Variants in MYBPC2 observed in about 807,000 individuals in gnomAD.
MYBPC2 encodes myosin-binding protein C, fast-type.
A neutral mutation model predicts 137.0 loss-of-function variants in MYBPC2; 122 were observed. The observed-to-expected ratio is 0.89, with a 90% confidence interval of 0.77 to 1.03. The LOEUF (loss-of-function observed/expected upper bound fraction) is 1.03, where lower values mean the gene tolerates loss of function less well. Among genes scored for constraint, MYBPC2 ranks in the 50% least tolerant of loss-of-function variants. The probability of loss-of-function intolerance (pLI) is 0.00; values close to 1 mark genes in which losing one functional copy is unlikely to be tolerated. For synonymous variants in MYBPC2, 626 were observed against 612.3 expected (o/e 1.02, Z -0.33); for missense variants, 1,500 against 1,534.4 (o/e 0.98, Z 0.37).
intron 12 of MYBPC2, among the ~76,000 whole-genome samples, chr19:50,447,579 C>G (rs930202399): frequency 6.6e-6 from 1 of 152,018 alleles, no homozygotes; most frequent in Non-Finnish European, 1.5e-5. Context: ...AACATCAGGC[C>G]GGGCTTAGTG....
chr19:50,454,564 T>C (rs1166072516), intron 18 of MYBPC2, among the ~76,000 whole-genome samples, 195 bp downstream of exon 18: 1 of 151,870 alleles, frequency 6.6e-6, no homozygotes, highest in African/African-American at 2.4e-5. Flanking sequence ...TAACTGGGAT[T>C]ACAGGTGCCC....
intron 20 of MYBPC2, 45 bp from the exon 21 acceptor site, chr19:50,458,542 A>T: frequency 1.9e-6 from 3 of 1,597,806 alleles, no homozygotes; most frequent in Non-Finnish European, 2.6e-6. Flanking sequence ...GGAGCGGAGG[A>T]TGGGAGGAGG....
rs762000682 is a variant in MYBPC2, at chr19:50,459,120, C to G, written c.2605C>G (p.Arg869Gly). 6 of 1,564,464 alleles carry G rather than the reference C, an allele frequency of 3.8e-6. No individual in the cohort carries two copies. Among genetic ancestry groups the G allele is most frequent in the African/African-American group, 2.7e-5 (2 of 73,768 alleles). ...NLVVPFQGKP[R>G]PQVVWTKGGA... ...CGCCCTCTCCCCGCAGGGAAAGCCC[C>G]GGCCCCAGGTGGTGTGGACCAAGGG... Residue 869 changes from arginine to glycine, a missense_variant, in exon 23 of 28, where the codon CGG becomes GGG. Arg to Gly is a moderately radical substitution (Grantham distance 125). Coordinates refer to ENST00000357701, the MANE Select transcript of MYBPC2 (RefSeq NM_004533.4).
Position 50,466,305 on chromosome 19 carries a change from A to G in MYBPC2, c.*100A>G. On this transcript the variant is annotated 3_prime_UTR_variant, in exon 28 of 28. Transcript: ENST00000357701. This position sits in a 1 kb window ranked among gnomAD's most constrained non-coding sequence, Gnocchi z 4.9. ...CTTTCTGGAGTTTTCGCTGAGAACA[A>G]AACAGTGTTGTCTGGACCCTGGAGT... The G allele has an allele frequency of 6.5e-7, 1 of 1,526,926 alleles. No individual in the cohort carries two copies. Among genetic ancestry groups the G allele is most frequent in the Admixed American group, 1.7e-5 (1 of 57,232 alleles). 94.6% of individuals were successfully genotyped at this position (1,526,926 alleles called of 1,614,324 possible). A position where few individuals can be genotyped will look rare whatever the true frequency, so the allele number is the denominator to read the frequency against.
chr19:50,448,295 G>A lies in MYBPC2; in HGVS notation c.1377G>A (p.Lys459=). 1.2e-6 allele frequency: 2 copies of A among 1,613,886 alleles called. No individual in the cohort carries two copies. The highest frequency in any genetic ancestry group is 1.7e-6 in the Non-Finnish European group (2 of 1,179,806). The change falls in exon 13 of 28, where the codon AAG becomes AAA. Residue 459 remains lysine, a synonymous_variant. Transcript: ENST00000357701. The part of the protein sequence containing the change: ...TVKASEQAVF[K]CEVSDEKVTG... The stretch of plus-strand genomic sequence containing the variant: ...AGGCCTCAGAACAAGCTGTGTTCAA[G>A]TGCGAGGTGTCTGATGAGAAAGTGA...
chr19:50,463,091 TTGG>T (rs1222034437), intron 26 of MYBPC2, among the ~76,000 whole-genome samples: 29 of 152,266 alleles, frequency 1.9e-4, no homozygotes, highest in Admixed American at 1.9e-3. Context: ...AGACCAGGGG[TTGG>T]CAAACCATCA....
At position 50,437,694 on chromosome 19, in the gene MYBPC2, A is replaced by G. The variant is rs1344924433; in HGVS notation, c.548A>G (p.Asp183Gly). 3 of 1,604,984 alleles carry G rather than the reference A, an allele frequency of 1.9e-6. No individual in the cohort carries two copies. In the East Asian group the frequency reaches 6.7e-5, roughly 36 times the overall value. ...AAGTCGGATACTGCAGGTGAGCTGG[A>G]TTTCAGTGGCCTGTTGAAGAAGAGG... ...EKKSDTAGEL[D>G]FSGLLKKREV... The change falls in exon 7 of 28, where the codon GAT becomes GGT. Residue 183 changes from aspartate (D) to glycine (G), a missense_variant. Transcript: ENST00000357701.
Position 50,458,588 on chromosome 19 carries a change from C to A in MYBPC2, c.2340C>A (p.Ser780=), listed in dbSNP as rs768717495. Residue 780 remains serine, a splice_region_variant and synonymous_variant, in exon 21 of 28, where the codon TCC becomes TCA. Coordinates refer to ENST00000357701, the MANE Select transcript of MYBPC2 (RefSeq NM_004533.4). ...GYLVEYCLEG[S]EEWVPANTEP... is the part of the protein sequence containing the mutation. ...CGCCAGCAGGGCCTCTCTCTCCAGC[C>A]GAGGAATGGGTCCCTGCCAACACCG... 2.5e-6 allele frequency: 4 copies of A among 1,611,388 alleles called. No individual in the cohort carries two copies. In the East Asian group the frequency reaches 8.9e-5, roughly 36 times the overall value.
chr19:50,450,757 TG>T, intron 13 of MYBPC2, 71 bp from the exon 14 acceptor site: 5 of 1,090,644 alleles, frequency 4.6e-6, no homozygotes, highest in Non-Finnish European at 6.8e-6. Flanking sequence ...GGAAGCTGAT[TG>T]AGGCGGTGCA....
chr19:50,450,239 T>C (rs2039843553), intron 13 of MYBPC2, among the ~76,000 whole-genome samples: 1 of 151,978 alleles, frequency 6.6e-6, no homozygotes, highest in African/African-American at 2.4e-5. Context: ...GCCAGGTACT[T>C]TTCTAGGTGT....
chr19:50,460,267 G>A (rs1281807717), intron 24 of MYBPC2, 88 bp downstream of exon 24: 4 of 1,484,038 alleles, frequency 2.7e-6, no homozygotes, highest in Non-Finnish European at 2.7e-6. Context: ...GGAAGGGCAG[G>A]GAGGGGCCCA....
In MYBPC2 at chr19:50,445,753, A is replaced by G; in HGVS notation, c.1134-127A>G. ...ACCACTCAAGATGCCTCTGCCACTC[A>G]TTATGTCTCCTCCCTCCGGGGACCT... On this transcript the variant is annotated intron_variant, in intron 11 of 27. Transcript: ENST00000357701. 5 of 949,622 alleles carry G rather than the reference A, an allele frequency of 5.3e-6. No homozygotes were observed. In the South Asian group the frequency reaches 8.4e-5, roughly 16 times the overall value. The allele number at this position is 949,622 out of a possible 1,614,324, so 58.8% of individuals were successfully genotyped here.
Position 50,464,542 on chromosome 19 carries a change from T to C in MYBPC2, c.3415+10T>C. 1 of 1,595,748 alleles carries C rather than the reference T, an allele frequency of 6.3e-7. No homozygotes were observed. Among genetic ancestry groups the C allele is most frequent in the South Asian group, 1.1e-5 (1 of 88,776 alleles). The stretch of plus-strand genomic sequence containing the variant: ...AAGCTGGAGGTCCGAGGTGAGGGCG[T>C]GGCCATCCCCAACACTGGCTGACCC... On this transcript the variant is annotated intron_variant, in intron 27 of 27. Coordinates refer to ENST00000357701, the MANE Select transcript of MYBPC2 (RefSeq NM_004533.4).
At position 50,466,098 on chromosome 19, in the gene MYBPC2, G is replaced by T; in HGVS notation, c.3416-97G>T. On this transcript the variant is annotated intron_variant, in intron 27 of 27. Transcript: ENST00000357701. This position sits in a 1 kb window ranked among gnomAD's most constrained non-coding sequence, Gnocchi z 4.9. ...GGGGCGGGATGGTGACCGTCATCCT[G>T]TCCCCCTGCTGGTCATGTGGATGCA... 2 of 1,549,400 alleles carry T rather than the reference G, an allele frequency of 1.3e-6. No homozygotes were observed. The highest frequency in any genetic ancestry group is 1.4e-5 in the African/African-American group (1 of 73,784).
chr19:50,435,877 G>C lies in MYBPC2; in HGVS notation c.196+15G>C, dbSNP rs1413123498. ...AGTGGAGACTGGTGAGGGGAACCCGGGGGAGGAGGGGCTGCGGCCCGGACT... is the reference window on the plus strand; with the variant it reads ...AGTGGAGACTGGTGAGGGGAACCCGCGGGAGGAGGGGCTGCGGCCCGGACT... On this transcript the variant is annotated intron_variant, in intron 3 of 27. Coordinates refer to ENST00000357701, the MANE Select transcript of MYBPC2 (RefSeq NM_004533.4). The surrounding 1 kb of genome is among the most constrained non-coding windows in gnomAD (Gnocchi z 4.8). 1.3e-6 allele frequency: 2 copies of C among 1,573,118 alleles called. No homozygotes were observed. Among genetic ancestry groups the C allele is most frequent in the Non-Finnish European group, 1.7e-6 (2 of 1,157,832 alleles).
intron 23 of MYBPC2, among the ~76,000 whole-genome samples, 169 bp downstream of exon 23, chr19:50,459,475 G>A (rs2039949650): frequency 3.7e-5 from 1 of 26,800 alleles, no homozygotes; most frequent in Non-Finnish European, 7.6e-5. Flanking sequence ...GGGAGAGGAG[G>A]TGAGAGATGA....
chr19:50,450,777 G>A (rs1279606274), intron 13 of MYBPC2, 52 bp from the exon 14 acceptor site: 1 of 1,346,808 alleles, frequency 7.4e-7, no homozygotes, highest in African/African-American at 1.4e-5. Flanking sequence ...CAGCCCCATA[G>A]TGGTCCCATT....
In MYBPC2 at chr19:50,441,015, C is replaced by T. The variant is rs759563602; in HGVS notation, c.708C>T (p.Thr236=). 1.2e-5 allele frequency: 19 copies of T among 1,610,806 alleles called. 1 individual carries two copies. Among genetic ancestry groups the T allele is most frequent in the East Asian group, 4.5e-5 (2 of 44,742 alleles). Residue 236 remains threonine, a synonymous_variant, in exon 8 of 28, where the codon ACC becomes ACT. Transcript: ENST00000357701. ...AAATCGCCTTCCAGTATGGCATCAC[C>T]GACCTCCGGGGCATGCTGAAGCGGC... The part of the protein sequence containing the change: ...YEKIAFQYGI[T]DLRGMLKRLK...
At chr19:50,455,932 T>C (rs1256527152) in intron 20 of MYBPC2, among the ~76,000 whole-genome samples, 1 of 152,188 alleles carries the variant, frequency 6.6e-6, no homozygotes, top group Non-Finnish European at 1.5e-5. Context: ...ATGCCTTCTT[T>C]CTTTCTTCTA....
Sources: gnomAD v4.1 joint callset for allele counts (sites outside exome capture counted in the v4.1 genomes callset) on GRCh38, gnomAD v4.1.1 for gene constraint, Gnocchi (gnomAD v3.1) non-coding constraint, MANE v1.5 for transcripts, NCBI Gene and HGNC (gene_info 2026-07-23, HGNC 2026-07-21) for gene names.